LMAN2L: variants seen among roughly 807,000 people sequenced by gnomAD.
The protein encoded by LMAN2L is VIP36-like protein.
Under a neutral mutation model 44.3 loss-of-function variants are expected in LMAN2L, and 30 were observed. The ratio of observed to expected loss-of-function variants is 0.68; its 90% CI spans 0.51 to 0.92. The LOEUF (loss-of-function observed/expected upper bound fraction) is 0.92, where lower values mean the gene tolerates loss of function less well. LMAN2L is among the 40% of genes least tolerant of loss of function. LMAN2L has a pLI of 0.00. For synonymous variants in LMAN2L, 183 were observed against 171.1 expected, an observed-to-expected ratio of 1.07 and a Z score of -0.54; for missense variants, 429 against 446.1, an observed-to-expected ratio of 0.96 and a Z score of 0.35.
intron 6 of LMAN2L, 27 bp downstream of exon 6, chr2:96,711,629 G>T: frequency 6.6e-7 from 1 of 1,505,152 alleles, no homozygotes; most frequent in Non-Finnish European, 9.2e-7. Context: ...CTCAGTCAGG[G>T]CAAACCAAGA....
intron 4 of LMAN2L, among the ~76,000 whole-genome samples, chr2:96,715,487 T>C (rs1472998141): frequency 6.6e-6 from 1 of 152,086 alleles, no homozygotes; most frequent in Non-Finnish European, 1.5e-5. Flanking sequence ...ACAGGAGCAA[T>C]TTTGTTTTTC....
intron 7 of LMAN2L, 77 bp from the exon 8 acceptor site, chr2:96,707,475 G>A (rs780759229): frequency 3.9e-5 from 58 of 1,474,782 alleles, no homozygotes; most frequent in Middle Eastern, 2.4e-4. Context: ...TAGGCTGTCC[G>A]GCCCCCAGTT....
chr2:96,735,703 TG>T (rs1190139360), intron 2 of LMAN2L, among the ~76,000 whole-genome samples: 12 of 151,598 alleles, frequency 7.9e-5, no homozygotes, highest in Admixed American at 7.9e-4. Flanking sequence ...GCCGGTGTGG[TG>T]GTGGGCGCCT....
Position 96,734,224 on chromosome 2 carries a change from A to T in LMAN2L, c.424+185T>A, listed in dbSNP as rs17119580. ...ACAAGCAAGCAACTGCCTCAGGATG[A>T]GTCAAATTCAGCTGCTTATGAGGAC... On this transcript the variant is annotated intron_variant, in intron 3 of 7. Coordinates refer to ENST00000264963, the MANE Select transcript of LMAN2L (RefSeq NM_030805.4). 2.7e-3 allele frequency among the ~76,000 whole-genome samples: 406 copies of T among 152,330 alleles called. 3 individuals are homozygous for T. The highest frequency in any genetic ancestry group is 9.4e-3 in the African/African-American group (390 of 41,562).
chr2:96,728,958 G>T (rs1252209592), intron 4 of LMAN2L, among the ~76,000 whole-genome samples: 1 of 151,944 alleles, frequency 6.6e-6, no homozygotes, highest in Non-Finnish European at 1.5e-5. Context: ...AGATCACGAG[G>T]TCAGGAGATC....
At chr2:96,733,387 A>AT in intron 4 of LMAN2L, 132 bp downstream of exon 4, 1 of 673,930 alleles carries the variant, frequency 1.5e-6, no homozygotes, top group Non-Finnish European at 2.6e-6. Context: ...TGACAAGGAC[A>AT]TTAACTTTCA....
chr2:96,732,786 T>A (rs370252427), intron 4 of LMAN2L, among the ~76,000 whole-genome samples: 2 of 149,832 alleles, frequency 1.3e-5, no homozygotes, highest in African/African-American at 5.0e-5. Flanking sequence ...GCCTTTTCTT[T>A]CTTTCTTTTT....
intron 5 of LMAN2L, 43 bp from the exon 6 acceptor site, chr2:96,711,813 C>A: frequency 6.2e-7 from 1 of 1,612,846 alleles, no homozygotes; most frequent in East Asian, 2.2e-5. Context: ...GCCATGGGAG[C>A]AAGAGCGACA....
chr2:96,711,577 CCT>C (rs547680228), intron 6 of LMAN2L, 77 bp downstream of exon 6: 14 of 944,134 alleles, frequency 1.5e-5, no homozygotes, highest in Non-Finnish European at 2.2e-5. Flanking sequence ...CTGGCTCTCC[CCT>C]GTGAGAGGCC....
chr2:96,740,023 T>A lies in LMAN2L; in HGVS notation c.18A>T (p.Gly6=), dbSNP rs576728406. The A allele has an allele frequency of 4.9e-5, 79 of 1,607,954 alleles. No individual in the cohort carries two copies. Among genetic ancestry groups the A allele is most frequent in the Admixed American group, 1.2e-4 (7 of 59,602 alleles). The change falls in exon 1 of 8, where the codon GGA becomes GGT. Residue 6 remains glycine, a synonymous_variant. Coordinates refer to ENST00000264963, the MANE Select transcript of LMAN2L (RefSeq NM_030805.4). MAATL[G]PLGSWQQWRR... is the part of the protein sequence containing the mutation. ...GCCACTGCTGCCACGACCCAAGGGG[T>A]CCCAGAGTCGCCGCCATCTTTCCCA...
chr2:96,727,041 G>A (rs72809828), intron 4 of LMAN2L, among the ~76,000 whole-genome samples: 38,882 of 151,752 alleles, frequency 0.26, 5,974 homozygotes, highest in Non-Finnish European at 0.32. Context: ...CCAAGATCAC[G>A]CCACTGCATT....
At chr2:96,735,718 G>A (rs2078500482) in intron 2 of LMAN2L, among the ~76,000 whole-genome samples, 1 of 152,004 alleles carries the variant, frequency 6.6e-6, no homozygotes, top group African/African-American at 2.4e-5. Flanking sequence ...GGCGCCTGGA[G>A]TCCTAGCTAC....
chr2:96,737,103 A>G, intron 2 of LMAN2L: 1 of 450,608 alleles, frequency 2.2e-6, no homozygotes, highest in Non-Finnish European at 4.4e-6. Flanking sequence ...AGATTTAGAA[A>G]GCCCTGGAAA....
intron 4 of LMAN2L, among the ~76,000 whole-genome samples, 191 bp from the exon 5 acceptor site, chr2:96,712,216 C>T (rs1306365849): frequency 1.3e-5 from 2 of 152,178 alleles, no homozygotes; most frequent in South Asian, 2.1e-4. Context: ...GCCCAGGAAG[C>T]GACTACACTT....
chr2:96,725,262 T>A (rs758755143), intron 4 of LMAN2L, among the ~76,000 whole-genome samples: 12 of 152,012 alleles, frequency 7.9e-5, no homozygotes, highest in Non-Finnish European at 1.2e-4. Flanking sequence ...CCACCACGCC[T>A]GGCCTAATTT....
At chr2:96,712,711 A>G (rs373344510) in intron 4 of LMAN2L, among the ~76,000 whole-genome samples, 3 of 152,326 alleles carry the variant, frequency 2.0e-5, no homozygotes, top group South Asian at 4.1e-4. Context: ...CCGAATAATA[A>G]TAAGAGGGCA....
At chr2:96,708,702 C>T (rs944808295) in intron 6 of LMAN2L, among the ~76,000 whole-genome samples, 13 of 152,066 alleles carry the variant, frequency 8.5e-5, no homozygotes, top group African/African-American at 2.9e-4. Flanking sequence ...GGGCCATGGG[C>T]AGGGCACAGC....
chr2:96,714,209 C>G (rs945353386), intron 4 of LMAN2L, among the ~76,000 whole-genome samples: 29 of 152,196 alleles, frequency 1.9e-4, no homozygotes, highest in Non-Finnish European at 4.1e-4. Flanking sequence ...AGCTGAGACT[C>G]AAGTAATTAG....
chr2:96,723,488 T>G (rs1327033632), intron 4 of LMAN2L, among the ~76,000 whole-genome samples: 1 of 152,264 alleles, frequency 6.6e-6, no homozygotes, highest in Non-Finnish European at 1.5e-5. Context: ...TCTTTACATT[T>G]CCTTGATGAT....
Sources: gnomAD v4.1 joint callset for allele counts (sites outside exome capture counted in the v4.1 genomes callset) on GRCh38, gnomAD v4.1.1 for gene constraint, MANE v1.5 for transcripts, NCBI Gene and HGNC (gene_info 2026-07-23, HGNC 2026-07-21) for gene names.